Variants in COL6A3 observed in about 807,000 individuals in gnomAD.
The protein encoded by COL6A3 is collagen alpha-3(VI) chain.
A neutral mutation model predicts 274.1 loss-of-function variants in COL6A3; 137 were observed. The ratio of observed to expected loss-of-function variants is 0.50; its 90% CI spans 0.44 to 0.58. The LOEUF (loss-of-function observed/expected upper bound fraction) is 0.58, where lower values mean the gene tolerates loss of function less well. Ranked by LOEUF, COL6A3 falls within the 20% of genes least tolerant of loss-of-function variation. The pLI, the probability that COL6A3 is intolerant of heterozygous loss-of-function variation, is 0.00. For missense variants in COL6A3, 3,950 were observed against 4,124.9 expected, an observed-to-expected ratio of 0.96 and a Z score of 1.16; for synonymous variants, 1,650 against 1,650.6, an observed-to-expected ratio of 1.00 and a Z score of 0.01.
Position 237,387,821 on chromosome 2 carries a change from G to A in COL6A3, c.1073C>T (p.Ser358Phe). Residue 358 changes from serine to phenylalanine, a missense_variant, in exon 4 of 44, where the codon TCT becomes TTT. Physicochemically the swap from Ser to Phe is radical, Grantham distance 155 (BLOSUM62 -2). Around this residue, in one of 5 missense-constraint regions of COL6A3, gnomAD observed 1,934 missense variants for 1,984.3 expected, o/e 0.97. Transcript: ENST00000295550. Reference protein sequence around the residue: ...QVLVLISAGPSSDEIRYGVVA... With the variant: ...QVLVLISAGPFSDEIRYGVVA... ...CACCCCGTAGCGAATCTCGTCACTA[G>A]AAGGCCCGGCACTTATGAGGACCAG... is the stretch of plus-strand genomic sequence containing the variant. The A allele has an allele frequency of 1.9e-6, 3 of 1,614,174 alleles. No individual in the cohort carries two copies. The highest frequency in any genetic ancestry group is 2.5e-6 in the Non-Finnish European group (3 of 1,180,034).
intron 27 of COL6A3, among the ~76,000 whole-genome samples, 176 bp from the exon 28 acceptor site, chr2:237,350,385 C>A (rs976955458): frequency 2.0e-5 from 3 of 152,122 alleles, no homozygotes; most frequent in African/African-American, 7.2e-5. Flanking sequence ...GGAAAAGAAT[C>A]CAGGAGGGTT....
Position 237,361,222 on chromosome 2 carries a change from G to T in COL6A3, c.6157-48C>A. 2 of 1,567,028 alleles carry T rather than the reference G, an allele frequency of 1.3e-6. No individual in the cohort carries two copies. The highest frequency in any genetic ancestry group is 1.8e-6 in the Non-Finnish European group (2 of 1,137,266). On this transcript the variant is annotated intron_variant, in intron 15 of 43. Coordinates refer to ENST00000295550, the MANE Select transcript of COL6A3 (RefSeq NM_004369.4). The surrounding 1 kb of genome is among the most constrained non-coding windows in gnomAD (Gnocchi z 5.1). ...TCTGTTTAATCCCGTGGTCTTCTTT[G>T]CTCTACAGTAAGAATCCCTGTGGTC...
chr2:237,402,496 G>T (rs1263339950), intron 1 of COL6A3, among the ~76,000 whole-genome samples: 1 of 152,140 alleles, frequency 6.6e-6, no homozygotes, highest in Non-Finnish European at 1.5e-5. Context: ...AATGATGTAA[G>T]TGCAGCATCT....
rs2106339641 is a variant in COL6A3, at chr2:237,357,799, G to A, written c.6537+18C>T. 1 of 1,613,256 alleles carries A rather than the reference G, an allele frequency of 6.2e-7. No individual in the cohort carries two copies. On this transcript the variant is annotated intron_variant, in intron 22 of 43. Transcript: ENST00000295550. ...TGCCCTCAGTACAGGGAGAGTCTAG[G>A]AATGTGCAGCACCTTACCATGGGGC...
At position 237,340,767 on chromosome 2, in the gene COL6A3, T is replaced by G; in HGVS notation, c.8149A>C (p.Ser2717Arg). Residue 2717 changes from serine (S) to arginine (R), a missense_variant, in exon 38 of 44, where the codon AGT becomes CGT. Physicochemically the swap from Ser to Arg is moderately radical, Grantham distance 110. Coordinates refer to ENST00000295550, the MANE Select transcript of COL6A3 (RefSeq NM_004369.4). The stretch of plus-strand genomic sequence containing the variant: ...TTCTCTATGGTGTATTCAATGGCAC[T>G]GCCTAAGGCCCTGGTTCCCTGCAAC... ...TQLQGTRALG[S>R]AIEYTIENVF... 1 of 1,614,186 alleles carries G rather than the reference T, an allele frequency of 6.2e-7. No individual in the cohort carries two copies. Among genetic ancestry groups the G allele is most frequent in the Non-Finnish European group, 8.5e-7 (1 of 1,180,046 alleles).
chr2:237,330,480 G>A (rs368403124), intron 42 of COL6A3, among the ~76,000 whole-genome samples: 1 of 152,038 alleles, frequency 6.6e-6, no homozygotes, highest in African/African-American at 2.4e-5. Flanking sequence ...TTTTTGTGGG[G>A]GTTCATTTGG....
rs115793808 is a variant in COL6A3, at chr2:237,377,153, G to C, written c.2689C>G (p.Pro897Ala). 6.2e-7 allele frequency: 1 copy of C among 1,614,158 alleles called. No homozygotes were observed. Among genetic ancestry groups the C allele is most frequent in the East Asian group, 2.2e-5 (1 of 44,878 alleles). The change falls in exon 7 of 44, where the codon CCT becomes GCT. Residue 897 changes from proline (P) to alanine (A), a missense_variant. By Grantham distance (27) the Pro-to-Ala change is conservative. This residue lies in a region of COL6A3 where 1,934 missense variants were observed against 1,984.3 expected (regional missense o/e 0.97). Coordinates refer to ENST00000295550, the MANE Select transcript of COL6A3 (RefSeq NM_004369.4). ...CTCTTCACAAGATTCAGGATCTCAG[G>C]CTTACTCTGGTGCTCATCAAAACGG... The part of the protein sequence containing the change: ...ESRFDEHQSK[P>A]EILNLVKRMK...
chr2:237,327,581 A>G (rs1307928505), intron 42 of COL6A3: 1 of 152,200 alleles, frequency 6.6e-6, no homozygotes, highest in African/African-American at 2.4e-5. Flanking sequence ...TTACTAGTGG[A>G]AAATAAGGAC....
In COL6A3 at chr2:237,344,897, G is replaced by A; in HGVS notation, c.7174+44C>T. 1 of 1,614,030 alleles carries A rather than the reference G, an allele frequency of 6.2e-7. No homozygotes were observed. On this transcript the variant is annotated intron_variant, in intron 35 of 43. Coordinates refer to ENST00000295550, the MANE Select transcript of COL6A3 (RefSeq NM_004369.4). The surrounding 1 kb of genome is among the most constrained non-coding windows in gnomAD (Gnocchi z 4.8). ...AGACAAACTGTACTTACTACAAAAG[G>A]GAGGCTTCCTTTCCTTAGGAGAAAG...
In COL6A3 at chr2:237,363,323, C is replaced by T. The variant is rs767725940; in HGVS notation, c.5993G>A (p.Arg1998Gln). 26 of 1,613,998 alleles carry T rather than the reference C, an allele frequency of 1.6e-5. No homozygotes were observed. The highest frequency in any genetic ancestry group is 1.3e-4 in the East Asian group (6 of 44,892). Residue 1998 changes from arginine to glutamine, a missense_variant, in exon 14 of 44, where the codon CGA becomes CAA. By Grantham distance (43) the Arg-to-Gln change is conservative. Transcript: ENST00000295550. ...LERLMHLEFGRGFMYDRPLRL... is the reference protein window; with the variant it reads ...LERLMHLEFGQGFMYDRPLRL... ...CAGGGGCCTGTCATACATAAACCCT[C>T]GCCCAAACTCCAGATGCATTAGCCG...
rs549318151 is a variant in COL6A3, at chr2:237,387,746, G to C, written c.1148C>G (p.Ala383Gly). The stretch of plus-strand genomic sequence containing the variant: ...GTGCTGAAGCTCTGCCCTGGAGGCG[G>C]CCTGGGCTCCAAGGCCGAATGAGAA... Reference protein sequence around the residue: ...SVFSFGLGAQAASRAELQHIA... With the variant: ...SVFSFGLGAQGASRAELQHIA... The change falls in exon 4 of 44, where the codon GCC (alanine) becomes GGC (glycine). Residue 383 changes from alanine (A) to glycine (G), a missense_variant. Physicochemically the swap from Ala to Gly is moderately conservative, Grantham distance 60. Transcript: ENST00000295550. 6.2e-7 allele frequency: 1 copy of C among 1,613,956 alleles called. No individual in the cohort carries two copies. The highest frequency in any genetic ancestry group is 8.5e-7 in the Non-Finnish European group (1 of 1,179,922).
intron 3 of COL6A3, among the ~76,000 whole-genome samples, chr2:237,391,504 CTGTTTGTTTGTTTGTT>C (rs200150873): frequency 0.03 from 4,546 of 150,144 alleles, 214 homozygotes; most frequent in African/African-American, 0.11. Flanking sequence ...GTCCCTTTCA[CTGTTTGTTTGTTTGTT>C]TGTTTGTTTG....
intron 2 of COL6A3, 86 bp from the exon 3 acceptor site, chr2:237,395,290 T>C: frequency 7.1e-7 from 1 of 1,415,302 alleles, no homozygotes; most frequent in South Asian, 1.2e-5. Context: ...ACAAATTTGG[T>C]TTACACTATA....
In COL6A3 at chr2:237,364,348, A is replaced by G. The variant is rs762333548; in HGVS notation, c.5917+2T>C. ...TCATATTTAGAAAGCCTTGGCACCT[A>G]CCTTCTTGGCGGAGGTTCTCAGATG... On this transcript the variant is annotated splice_donor_variant, in intron 13 of 43. Transcript: ENST00000295550. LOFTEE classifies it high-confidence loss of function. The surrounding 1 kb of genome is among the most constrained non-coding windows in gnomAD (Gnocchi z 4.6). The G allele has an allele frequency of 3.7e-6, 6 of 1,613,022 alleles. No homozygotes were observed. In the African/African-American group the frequency reaches 5.3e-5, roughly 14 times the overall value.
chr2:237,359,316 T>A, intron 18 of COL6A3, 46 bp downstream of exon 18: 1 of 1,614,050 alleles, frequency 6.2e-7, no homozygotes, highest in Non-Finnish European at 8.5e-7. Flanking sequence ...AAATGAGAAA[T>A]ACTGGGAGAG....
intron 26 of COL6A3, 29 bp downstream of exon 26, chr2:237,352,493 A>T (rs1316200080): frequency 6.2e-7 from 1 of 1,602,540 alleles, no homozygotes; most frequent in Admixed American, 1.7e-5. Flanking sequence ...GTTCAGCTAG[A>T]GAGGGGGCTG....
chr2:237,391,823 T>G (rs896924629), intron 3 of COL6A3, among the ~76,000 whole-genome samples: 1 of 152,134 alleles, frequency 6.6e-6, no homozygotes, highest in Admixed American at 6.5e-5. Flanking sequence ...CTTTCACTAT[T>G]TTTTGGTAGG....
chr2:237,352,378 G>A (rs2106333448), intron 26 of COL6A3, 144 bp downstream of exon 26: 1 of 833,888 alleles, frequency 1.2e-6, no homozygotes, highest in Non-Finnish European at 2.0e-6. Flanking sequence ...AAGGCCTGAG[G>A]TTAAATCTGG....
intron 6 of COL6A3, among the ~76,000 whole-genome samples, chr2:237,377,769 T>C (rs1260626443): frequency 1.3e-5 from 2 of 152,188 alleles, no homozygotes; most frequent in African/African-American, 4.8e-5. Context: ...GGGGGGCTGA[T>C]ATGGGTCAAC....
Sources: allele counts gnomAD v4.1 joint callset (sites outside exome capture counted in the v4.1 genomes callset), GRCh38; gene constraint gnomAD v4.1.1; regional missense constraint gnomAD v4.1.1; non-coding constraint Gnocchi (gnomAD v3.1); transcripts MANE v1.5; gene names NCBI Gene and HGNC (gene_info 2026-07-23, HGNC 2026-07-21).